GRAMD2B: variants seen among roughly 807,000 people sequenced by gnomAD.
GRAMD2B encodes GRAM domain containing 2B.
A neutral mutation model predicts 59.2 loss-of-function variants in GRAMD2B; 41 were observed. The ratio of observed to expected loss-of-function variants is 0.69; its 90% confidence interval spans 0.54 to 0.90. The LOEUF is 0.90. GRAMD2B is among the 40% of genes least tolerant of loss of function. The pLI, the probability that GRAMD2B is intolerant of heterozygous loss-of-function variation, is 0.00. For missense variants in GRAMD2B, 424 were observed against 500.5 expected (o/e 0.85, Z 1.46); for synonymous variants, 161 against 182.7 (o/e 0.88, Z 0.96).
At chr5:126,415,646 TTTC>T (rs1561492560) in intron 1 of GRAMD2B, among the ~76,000 whole-genome samples, 2 of 152,162 alleles carry the variant, frequency 1.3e-5, no homozygotes, top group African/African-American at 4.8e-5. Flanking sequence ...GTAGAAAAAC[TTTC>T]TTATTTGCCT....
At chr5:126,423,406 A>G (rs1759976821), upstream of GRAMD2B, 11 of 1,369,988 alleles carry the variant, frequency 8.0e-6, no homozygotes, top group Non-Finnish European at 9.4e-6. Context: ...AGTGGGTCGG[A>G]CCAATCGCGC....
intron 5 of GRAMD2B, among the ~76,000 whole-genome samples, chr5:126,476,412 T>C (rs1405593585): frequency 6.6e-6 from 1 of 152,320 alleles, no homozygotes; most frequent in East Asian, 1.9e-4. Context: ...GTCAGATCAT[T>C]TTACCATGGC....
intron 3 of GRAMD2B, among the ~76,000 whole-genome samples, chr5:126,471,311 G>A (rs930592442): frequency 1.3e-5 from 2 of 152,212 alleles, no homozygotes; most frequent in African/African-American, 4.8e-5. Context: ...CTGGGCTCAA[G>A]AGATCCTCCT....
chr5:126,454,774 A>G (rs1046030706), intron 1 of GRAMD2B, among the ~76,000 whole-genome samples: 3 of 152,130 alleles, frequency 2.0e-5, no homozygotes, highest in Admixed American at 6.5e-5. Flanking sequence ...GTGTTTAGGT[A>G]TTCATTTTTG....
At chr5:126,396,018 G>A (rs1175400029) in intron 1 of GRAMD2B, among the ~76,000 whole-genome samples, 2 of 152,100 alleles carry the variant, frequency 1.3e-5, no homozygotes, top group Non-Finnish European at 2.9e-5. Flanking sequence ...TATACCAGCA[G>A]TGTAAAAGGG....
intron 1 of GRAMD2B, among the ~76,000 whole-genome samples, chr5:126,439,698 T>C (rs964700530): frequency 3.9e-5 from 6 of 152,162 alleles, no homozygotes; most frequent in Non-Finnish European, 1.5e-5. Context: ...AGTTGACTGA[T>C]TATCAGAAAA....
chr5:126,457,754 T>C (rs1766586919), intron 1 of GRAMD2B, among the ~76,000 whole-genome samples: 1 of 44,852 alleles, frequency 2.2e-5, no homozygotes. Context: ...AGGGCACAGG[T>C]TTCTCATGGG....
intron 1 of GRAMD2B, among the ~76,000 whole-genome samples, chr5:126,363,767 AAGAG>A (rs1200143248): frequency 2.6e-5 from 4 of 152,146 alleles, no homozygotes; most frequent in African/African-American, 9.7e-5. Context: ...CTCATCTCTA[AAGAG>A]AGAAAGTAAA....
At chr5:126,466,192 C>T in intron 2 of GRAMD2B, 2 of 1,514,946 alleles carry the variant, frequency 1.3e-6, no homozygotes, top group African/African-American at 2.8e-5. Flanking sequence ...CATTGTGGTC[C>T]TTCACCATTA....
chr5:126,447,717 C>T (rs1764574917), intron 1 of GRAMD2B, among the ~76,000 whole-genome samples: 1 of 151,262 alleles, frequency 6.6e-6, no homozygotes, highest in South Asian at 2.1e-4. Flanking sequence ...GCCTTTAGAG[C>T]TGATTTAAGG....
At chr5:126,370,222 A>G (rs776773415), upstream of GRAMD2B, among the ~76,000 whole-genome samples, 4 of 152,240 alleles carry the variant, frequency 2.6e-5, no homozygotes, top group Non-Finnish European at 5.9e-5. Flanking sequence ...ATATCACTGA[A>G]AGACTCACTT....
At chr5:126,394,073 G>A (rs1259161897) in intron 1 of GRAMD2B, among the ~76,000 whole-genome samples, 3 of 152,194 alleles carry the variant, frequency 2.0e-5, no homozygotes, top group East Asian at 1.9e-4. Context: ...AGGAGATCGA[G>A]ACCATCCTGG....
chr5:126,417,200 C>G (rs1759334765), intron 1 of GRAMD2B, among the ~76,000 whole-genome samples: 1 of 152,152 alleles, frequency 6.6e-6, no homozygotes, highest in Admixed American at 6.5e-5. Flanking sequence ...TGGACTAGCC[C>G]TATGGCTTAC....
upstream of GRAMD2B, among the ~76,000 whole-genome samples, chr5:126,369,619 G>A (rs74819886): frequency 1.6e-3 from 250 of 152,066 alleles, 1 homozygote; most frequent in African/African-American, 5.8e-3. Flanking sequence ...TATATCACTC[G>A]CTGCAGCTAG....
intron 1 of GRAMD2B, among the ~76,000 whole-genome samples, chr5:126,416,478 G>C (rs766254964): frequency 1.3e-5 from 2 of 152,162 alleles, no homozygotes; most frequent in Non-Finnish European, 2.9e-5. Context: ...AATATTTATT[G>C]AGCATCTAAC....
intron 1 of GRAMD2B, among the ~76,000 whole-genome samples, chr5:126,391,312 T>C: frequency 9.7e-5 from 2 of 20,636 alleles, no homozygotes; most frequent in Non-Finnish European, 1.2e-4. Context: ...AGAGGGAGAC[T>C]CCATCTCAAA....
intron 1 of GRAMD2B, among the ~76,000 whole-genome samples, chr5:126,391,107 C>T (rs1430514598): frequency 1.3e-5 from 2 of 151,600 alleles, no homozygotes; most frequent in African/African-American, 4.8e-5. Context: ...GCATGAGTGA[C>T]AAAAAAATGA....
intron 1 of GRAMD2B, among the ~76,000 whole-genome samples, chr5:126,373,018 A>T (rs1352864447): frequency 6.6e-6 from 1 of 152,224 alleles, no homozygotes. Flanking sequence ...GAATAAAAGT[A>T]AAATAAAACC....
At chr5:126,424,414 C>T (rs1316983195) in intron 1 of GRAMD2B, among the ~76,000 whole-genome samples, 4 of 152,088 alleles carry the variant, frequency 2.6e-5, no homozygotes, top group Admixed American at 1.3e-4. Flanking sequence ...CTCTAAAACT[C>T]TTGTTCTGGT....
Sources: gnomAD v4.1 joint callset for allele counts (sites outside exome capture counted in the v4.1 genomes callset) on GRCh38, gnomAD v4.1.1 for gene constraint, MANE v1.5 for transcripts, NCBI Gene and HGNC (gene_info 2026-07-23, HGNC 2026-07-21) for gene names.